Variants in GNAT3 observed in about 807,000 individuals in gnomAD.
GNAT3 encodes guanine nucleotide-binding protein G(t) subunit alpha-3.
In GNAT3, 31 loss-of-function variants were observed where a neutral mutation model predicts 37.7. The observed-to-expected ratio is 0.82, with a 90% CI of 0.62 to 1.11. GNAT3 has a LOEUF of 1.11. Among genes scored for constraint, GNAT3 ranks in the 50% most tolerant of loss-of-function variants. GNAT3 has a pLI of 0.00. For missense variants in GNAT3, 437 were observed against 412.5 expected (o/e 1.06, Z -0.51); for synonymous variants, 138 against 139.8 (o/e 0.99, Z 0.09).
In GNAT3 at chr7:80,458,897, A is replaced by C. The variant is rs2116130188; in HGVS notation, c.875-36T>G. Reference sequence around the variant, plus strand: ...AAAATATTTGAAGAAGTAAAGATTAATCATATGTTACAAAGAATAGGCTAT... The same window carrying C: ...AAAATATTTGAAGAAGTAAAGATTACTCATATGTTACAAAGAATAGGCTAT... On this transcript the variant is annotated intron_variant, in intron 7 of 7. Transcript: ENST00000398291. The C allele has an allele frequency of 2.2e-6, 3 of 1,345,516 alleles. No homozygotes were observed. The East Asian group carries it at 7.4e-5, about 33-fold the overall frequency. 83.3% of individuals were successfully genotyped at this position (1,345,516 alleles called of 1,614,324 possible).
At chr7:80,473,144 T>G (rs890206140) in intron 5 of GNAT3, among the ~76,000 whole-genome samples, 2 of 152,150 alleles carry the variant, frequency 1.3e-5, no homozygotes, top group Non-Finnish European at 2.9e-5. Flanking sequence ...GACGACAAAC[T>G]TTTCCTACAT....
At position 80,496,567 on chromosome 7, in the gene GNAT3, A is replaced by T. The variant is rs116636647; in HGVS notation, c.119-1920T>A. On this transcript the variant is annotated intron_variant, in intron 1 of 7. Coordinates refer to ENST00000398291, the MANE Select transcript of GNAT3 (RefSeq NM_001102386.3). ...CTTAGGAATAATTCATATATTATTTAAAAATGTTCCTTTCATCACTGCAAA... is the reference window on the plus strand; with the variant it reads ...CTTAGGAATAATTCATATATTATTTTAAAATGTTCCTTTCATCACTGCAAA... Among the ~76,000 whole-genome samples the T allele has an allele frequency of 3.2e-3, 492 of 152,346 alleles. 2 individuals carry two copies. The highest frequency in any genetic ancestry group is 7.8e-3 in the African/African-American group (325 of 41,586).
At chr7:80,508,253 C>A (rs1219714038) in intron 1 of GNAT3, among the ~76,000 whole-genome samples, 2 of 150,256 alleles carry the variant, frequency 1.3e-5, no homozygotes, top group Non-Finnish European at 2.9e-5. Flanking sequence ...ATCTAAGCAG[C>A]CCATGTGATG....
At position 80,511,855 on chromosome 7, in the gene GNAT3, C is replaced by T. The variant is rs778371140; in HGVS notation, c.72G>A (p.Gln24=). 7.4e-6 allele frequency: 12 copies of T among 1,612,236 alleles called. No individual in the cohort carries two copies. The highest frequency in any genetic ancestry group is 9.3e-6 in the Non-Finnish European group (11 of 1,178,976). The part of the protein sequence containing the change: ...KRSKELEKKL[Q]EDAERDARTV... ...TTCTTGCATCTCGCTCAGCATCCTC[C>T]TGAAGCTTTTTCTCCAGTTCTTTTG... The change falls in exon 1 of 8, where the codon CAG becomes CAA. Residue 24 remains glutamine (Q), a synonymous_variant. Coordinates refer to ENST00000398291, the MANE Select transcript of GNAT3 (RefSeq NM_001102386.3).
chr7:80,510,215 G>C (rs1460404933), intron 1 of GNAT3, among the ~76,000 whole-genome samples: 1 of 152,012 alleles, frequency 6.6e-6, no homozygotes, highest in Non-Finnish European at 1.5e-5. Flanking sequence ...TTGACTGGCA[G>C]CTCTGATATG....
intron 2 of GNAT3, among the ~76,000 whole-genome samples, chr7:80,490,402 A>G (rs948745066): frequency 1.3e-5 from 2 of 152,160 alleles, no homozygotes; most frequent in Admixed American, 1.3e-4. Flanking sequence ...CAGAGCATAT[A>G]AAGAGATTTT....
intron 1 of GNAT3, among the ~76,000 whole-genome samples, chr7:80,508,473 T>C (rs1314629488): frequency 6.6e-6 from 1 of 152,066 alleles, no homozygotes; most frequent in Non-Finnish European, 1.5e-5. Flanking sequence ...CAAATGAGAA[T>C]ATTTTATCCG....
chr7:80,496,787 G>T (rs965283480), intron 1 of GNAT3, among the ~76,000 whole-genome samples: 9 of 150,346 alleles, frequency 6.0e-5, no homozygotes, highest in Non-Finnish European at 8.9e-5. Flanking sequence ...GATTTACAAT[G>T]TTTTCTTAAG....
intron 1 of GNAT3, among the ~76,000 whole-genome samples, chr7:80,510,237 A>G (rs2116239468): frequency 6.6e-6 from 1 of 152,166 alleles, no homozygotes; most frequent in Non-Finnish European, 1.5e-5. Context: ...TTATCTCAAG[A>G]GTCATTGCTT....
intron 1 of GNAT3, among the ~76,000 whole-genome samples, chr7:80,502,546 G>T (rs1385723797): frequency 6.6e-6 from 1 of 151,914 alleles, no homozygotes; most frequent in Admixed American, 6.6e-5. Flanking sequence ...AAAGGCCTTG[G>T]TTAATCACAT....
chr7:80,467,716 T>A (rs749581171), intron 5 of GNAT3, among the ~76,000 whole-genome samples: 1 of 152,078 alleles, frequency 6.6e-6, no homozygotes, highest in Non-Finnish European at 1.5e-5. Flanking sequence ...AAAGCTTTAT[T>A]GTGACCATTC....
At chr7:80,464,714 A>T (rs1417724740) in intron 5 of GNAT3, among the ~76,000 whole-genome samples, 1 of 152,130 alleles carries the variant, frequency 6.6e-6, no homozygotes, top group Admixed American at 6.6e-5. Context: ...TATTTGGAGT[A>T]ATAAATGTCT....
chr7:80,511,406 A>G (rs1235088330), intron 1 of GNAT3, among the ~76,000 whole-genome samples: 2 of 152,130 alleles, frequency 1.3e-5, no homozygotes, highest in Non-Finnish European at 2.9e-5. Flanking sequence ...ACGTCAAACA[A>G]TTCAACCTAT....
chr7:80,482,599 C>T (rs1419144920), intron 3 of GNAT3, among the ~76,000 whole-genome samples: 1 of 151,636 alleles, frequency 6.6e-6, no homozygotes, highest in African/African-American at 2.4e-5. Flanking sequence ...CTTCAACCTC[C>T]ACCTCCCACT....
chr7:80,484,609 TA>T (rs1295274288), intron 3 of GNAT3, among the ~76,000 whole-genome samples: 1 of 152,132 alleles, frequency 6.6e-6, no homozygotes, highest in Non-Finnish European at 1.5e-5. Flanking sequence ...AAATAGGATA[TA>T]ATAATATTCA....
At chr7:80,500,690 G>A (rs1790816211) in intron 1 of GNAT3, among the ~76,000 whole-genome samples, 1 of 151,992 alleles carries the variant, frequency 6.6e-6, no homozygotes, top group African/African-American at 2.4e-5. Flanking sequence ...TCTGACTAAG[G>A]AAATTCTCTT....
At chr7:80,497,629 CAT>C (rs1388697472) in intron 1 of GNAT3, among the ~76,000 whole-genome samples, 3 of 116,252 alleles carry the variant, frequency 2.6e-5, no homozygotes, top group African/African-American at 4.4e-5. Context: ...TACGTATATA[CAT>C]ATACGTATAT....
intron 5 of GNAT3, among the ~76,000 whole-genome samples, chr7:80,472,367 T>C (rs1180846662): frequency 6.6e-6 from 1 of 152,070 alleles, no homozygotes; most frequent in African/African-American, 2.4e-5. Flanking sequence ...GTTAAACATT[T>C]ATGAGCATGC....
At position 80,462,498 on chromosome 7, in the gene GNAT3, T is replaced by G. The variant is rs1192815945; in HGVS notation, c.720+4A>C. Reference sequence around the variant, plus strand: ...CCCTGGCTTTGTTTTTCCTTTAGACTTACCACTTCTTCGTCTTCCACGAGG... The same window carrying G: ...CCCTGGCTTTGTTTTTCCTTTAGACGTACCACTTCTTCGTCTTCCACGAGG... On this transcript the variant is annotated splice_donor_region_variant and intron_variant, in intron 6 of 7. Coordinates refer to ENST00000398291, the MANE Select transcript of GNAT3 (RefSeq NM_001102386.3). The G allele has an allele frequency of 1.9e-6, 3 of 1,612,738 alleles. No homozygotes were observed. The highest frequency in any genetic ancestry group is 2.5e-6 in the Non-Finnish European group (3 of 1,179,522).
Sources: gnomAD v4.1 joint callset for allele counts (sites outside exome capture counted in the v4.1 genomes callset) on GRCh38, gnomAD v4.1.1 for gene constraint, MANE v1.5 for transcripts, NCBI Gene and HGNC (gene_info 2026-07-23, HGNC 2026-07-21) for gene names.